The following LRCH1 variants were observed in gnomAD, a reference collection of about 807,000 sequenced individuals.
LRCH1 encodes leucine-rich repeat and calponin homology domain-containing protein 1.
Under a neutral mutation model 94.9 loss-of-function variants are expected in LRCH1, and 23 were observed. That is an observed-to-expected ratio of 0.24 (90% confidence interval 0.17 to 0.34). LRCH1 has a LOEUF of 0.34. LRCH1 is among the 10% of genes least tolerant of loss of function. The pLI is 1.00. For missense variants in LRCH1, 790 were observed against 945.9 expected, an observed-to-expected ratio of 0.84 and a Z score of 2.16; for synonymous variants, 364 against 354.9, an observed-to-expected ratio of 1.03 and a Z score of -0.29.
intron 12 of LRCH1, 28 bp from the exon 13 acceptor site, chr13:46,705,240 C>CTTTTTTT: frequency 6.6e-7 from 1 of 1,511,660 alleles, no homozygotes. Context: ...CACTTTGTAT[C>CTTTTTTT]TTTTTTTTTC....
At chr13:46,708,901 C>T (rs17068662) in intron 13 of LRCH1, among the ~76,000 whole-genome samples, 4,022 of 152,182 alleles carry the variant, frequency 0.026, 187 homozygotes, top group African/African-American at 0.092. Flanking sequence ...AAGTGGGACC[C>T]GACTCAGTAC....
chr13:46,622,368 C>T (rs772729766), intron 1 of LRCH1, among the ~76,000 whole-genome samples: 7 of 152,138 alleles, frequency 4.6e-5, no homozygotes, highest in South Asian at 2.1e-4. Flanking sequence ...AATAGATTTT[C>T]ATTCACTTCA....
intron 1 of LRCH1, among the ~76,000 whole-genome samples, chr13:46,555,028 A>G (rs1341310589): frequency 3.9e-5 from 6 of 152,206 alleles, no homozygotes; most frequent in Admixed American, 2.0e-4. Flanking sequence ...AGCCTTAATG[A>G]ATATTTAGAT....
At chr13:46,653,961 A>G (rs576073090) in intron 2 of LRCH1, among the ~76,000 whole-genome samples, 10 of 152,208 alleles carry the variant, frequency 6.6e-5, no homozygotes, top group African/African-American at 2.4e-4. Context: ...TAGTTGAAAC[A>G]TGTCTTCTAG....
rs141138328 is a variant in LRCH1 at position 46,693,522 on chromosome 13, T to C, written c.1120+881T>C. ...TGCACATGAGGGTGGGAAATGTAGT[T>C]GAGGTGTGTGTTCAAGAAGCTACTT... is the stretch of plus-strand genomic sequence containing the variant. On this transcript the variant is annotated intron_variant, in intron 8 of 19. Coordinates refer to ENST00000389797, the MANE Select transcript of LRCH1 (RefSeq NM_001164211.2). Among the ~76,000 whole-genome samples, 116 of 152,242 alleles carry C rather than the reference T, an allele frequency of 7.6e-4. 1 individual carries two copies. The highest frequency in any genetic ancestry group is 1.4e-3 in the Non-Finnish European group (98 of 68,002).
chr13:46,611,230 G>A (rs957738698), intron 1 of LRCH1, among the ~76,000 whole-genome samples: 2 of 152,120 alleles, frequency 1.3e-5, no homozygotes, highest in East Asian at 1.9e-4. Context: ...GAACACCATC[G>A]GTTTATGCTA....
chr13:46,719,318 A>C (rs1183279826), intron 16 of LRCH1, among the ~76,000 whole-genome samples: 1 of 152,246 alleles, frequency 6.6e-6, no homozygotes, highest in African/African-American at 2.4e-5. Context: ...TTACTCGTTC[A>C]ACAAACTCAT....
intron 1 of LRCH1, among the ~76,000 whole-genome samples, chr13:46,599,121 A>G (rs191208189): frequency 1.1e-4 from 17 of 152,340 alleles, no homozygotes; most frequent in African/African-American, 4.1e-4. Context: ...GATTTTACTT[A>G]GCATTATATA....
intron 1 of LRCH1, among the ~76,000 whole-genome samples, chr13:46,587,716 C>T (rs1594265499): frequency 6.6e-6 from 1 of 152,202 alleles, no homozygotes; most frequent in Middle Eastern, 3.4e-3. Flanking sequence ...TCATTAAATG[C>T]CCCTGGTCTG....
intron 2 of LRCH1, among the ~76,000 whole-genome samples, chr13:46,664,784 G>A (rs1009130784): frequency 3.9e-5 from 6 of 152,096 alleles, no homozygotes; most frequent in East Asian, 1.9e-4. Context: ...CTATAATGTC[G>A]TGTTAGGTAG....
In LRCH1 at chr13:46,695,165, C is replaced by T. The variant is rs1239814371; in HGVS notation, c.1245+148C>T. The T allele has an allele frequency of 6.5e-6, 6 of 926,058 alleles. No homozygotes were observed. In the South Asian group the frequency reaches 6.8e-5, roughly 10 times the overall value. 57.4% of individuals were successfully genotyped at this position (926,058 alleles called of 1,614,324 possible). ...GCGTTCCAAACATCTCAGCGCTCAG[C>T]GTGTCTATTTGCTGATGTGAGGAGC... On this transcript the variant is annotated intron_variant, in intron 9 of 19. Coordinates refer to ENST00000389797, the MANE Select transcript of LRCH1 (RefSeq NM_001164211.2).
chr13:46,645,092 G>C (rs1217782444), intron 1 of LRCH1, among the ~76,000 whole-genome samples: 2 of 98,738 alleles, frequency 2.0e-5, no homozygotes, highest in Non-Finnish European at 4.4e-5. Context: ...AGATTATGGA[G>C]GAAAAGATAA....
intron 1 of LRCH1, among the ~76,000 whole-genome samples, chr13:46,644,015 G>C (rs562025027): frequency 2.4e-4 from 36 of 152,266 alleles, no homozygotes; most frequent in African/African-American, 8.2e-4. Flanking sequence ...AGATTTCATT[G>C]CTGTATCTTC....
chr13:46,617,979 A>G (rs1000337075), intron 1 of LRCH1, among the ~76,000 whole-genome samples: 2 of 152,204 alleles, frequency 1.3e-5, no homozygotes, highest in Non-Finnish European at 2.9e-5. Flanking sequence ...AATAAGCTGT[A>G]TGCCCTGATA....
intron 1 of LRCH1, among the ~76,000 whole-genome samples, chr13:46,580,197 G>A (rs1042902119): frequency 6.6e-6 from 1 of 152,170 alleles, no homozygotes; most frequent in Admixed American, 6.5e-5. Context: ...AGAAAGCTTG[G>A]TAGAACTATT....
In LRCH1 at chr13:46,744,045, G is replaced by A; in HGVS notation, c.*2197G>A. On this transcript the variant is annotated 3_prime_UTR_variant, in exon 20 of 20. Transcript: ENST00000389797. The stretch of plus-strand genomic sequence containing the variant: ...GAACACAATTAATTTAGTCCTTTAG[G>A]CAAAAATTTGAATGAACTGTTCTGT... 2.0e-6 allele frequency: 2 copies of A among 985,080 alleles called. No homozygotes were observed. Among genetic ancestry groups the A allele is most frequent in the South Asian group, 4.7e-5 (1 of 21,252 alleles). 61.0% of individuals were successfully genotyped at this position (985,080 alleles called of 1,614,324 possible). A position where few individuals can be genotyped will look rare whatever the true frequency, so the allele number is the denominator to read the frequency against.
At chr13:46,648,312 TACAGATGAAGTTTCACTTG>T (rs2051249095) in intron 1 of LRCH1, among the ~76,000 whole-genome samples, 1 of 152,184 alleles carries the variant, frequency 6.6e-6, no homozygotes, top group Non-Finnish European at 1.5e-5. Context: ...TGGCTGTAAA[TACAGATGAAGTTTCACTTG>T]CCAGCCTGAC....
At chr13:46,645,542 T>G (rs1220945698) in intron 1 of LRCH1, among the ~76,000 whole-genome samples, 1 of 152,224 alleles carries the variant, frequency 6.6e-6, no homozygotes, top group Non-Finnish European at 1.5e-5. Flanking sequence ...ATTTGACTTA[T>G]TCACATAAAT....
intron 1 of LRCH1, among the ~76,000 whole-genome samples, chr13:46,644,577 G>C (rs1354107408): frequency 6.6e-6 from 1 of 152,228 alleles, no homozygotes; most frequent in African/African-American, 2.4e-5. Context: ...CTGGGCAACT[G>C]TTTTTGTATA....
Sources: allele counts gnomAD v4.1 joint callset (sites outside exome capture counted in the v4.1 genomes callset), GRCh38; gene constraint gnomAD v4.1.1; transcripts MANE v1.5; gene names NCBI Gene and HGNC (gene_info 2026-07-23, HGNC 2026-07-21).